CNTNAP2: variants seen among roughly 807,000 people sequenced by gnomAD.
CNTNAP2 encodes the protein contactin associated protein 2, also known as contactin-associated protein-like 2.
CNTNAP2 carries 98 observed loss-of-function variants against 155.2 expected under a neutral mutation model. That is an observed-to-expected ratio of 0.63 (90% CI 0.54 to 0.75). The LOEUF (loss-of-function observed/expected upper bound fraction) is 0.75. Among genes scored for constraint, CNTNAP2 ranks in the 30% least tolerant of loss-of-function variants. The pLI, the probability that CNTNAP2 is intolerant of heterozygous loss-of-function variation, is 0.00. For missense variants in CNTNAP2, 1,727 were observed against 1,688.1 expected (o/e 1.02, Z -0.40); for synonymous variants, 651 against 631.2 (o/e 1.03, Z -0.47).
chr7:147,575,089 T>A (rs1317009783), intron 12 of CNTNAP2, among the ~76,000 whole-genome samples: 1 of 151,020 alleles, frequency 6.6e-6, no homozygotes, highest in Non-Finnish European at 1.5e-5. Context: ...ATTCATATTC[T>A]CCCGGTCTTT....
chr7:146,761,015 T>C (rs1230132147), intron 1 of CNTNAP2, among the ~76,000 whole-genome samples: 3 of 152,112 alleles, frequency 2.0e-5, no homozygotes, highest in African/African-American at 2.4e-5. Flanking sequence ...AATGAGAGTA[T>C]GCCAAACAGG....
intron 14 of CNTNAP2, among the ~76,000 whole-genome samples, chr7:147,960,703 G>A (rs1801102790): frequency 6.6e-6 from 1 of 152,052 alleles, no homozygotes; most frequent in South Asian, 2.1e-4. Context: ...GAGGAGAGTG[G>A]ACGGTAGTGA....
At chr7:148,302,711 C>T (rs1298367172) in intron 21 of CNTNAP2, among the ~76,000 whole-genome samples, 1 of 152,084 alleles carries the variant, frequency 6.6e-6, no homozygotes, top group Non-Finnish European at 1.5e-5. Context: ...CTGCCTACTT[C>T]CCCTTCCCCA....
In CNTNAP2 at chr7:148,109,620, G is replaced by A. The variant is rs1344140689; in HGVS notation, c.2384-8498G>A. ...GCTGGTTTCAAACTCCCGACCTCAG[G>A]TGATCTGCCCGCCTTGGCCTCCCAA... On this transcript the variant is annotated intron_variant, in intron 15 of 23. Coordinates refer to ENST00000361727, the MANE Select transcript of CNTNAP2 (RefSeq NM_014141.6). Among the ~76,000 whole-genome samples, 5 of 151,412 alleles carry A rather than the reference G, an allele frequency of 3.3e-5. No individual in the cohort carries two copies. In the East Asian group the frequency reaches 9.9e-4, roughly 30 times the overall value.
Position 147,563,328 on chromosome 7 carries a change from TTAAA to T in CNTNAP2, c.1897+1075_1897+1078del, listed in dbSNP as rs1800100966. ...TGAAAAAATTTAAAGGCTTTAGTAG[TTAAA>T]TAACTTGCCCATATTAGACCAGGTG... On this transcript the variant is annotated intron_variant, in intron 12 of 23. Coordinates refer to ENST00000361727, the MANE Select transcript of CNTNAP2 (RefSeq NM_014141.6). Among the ~76,000 whole-genome samples the T allele has an allele frequency of 2.0e-5, 3 of 152,136 alleles. No individual in the cohort carries two copies. The South Asian group carries it at 6.2e-4, about 31-fold the overall frequency.
At chr7:146,278,979 T>C (rs923085739) in intron 1 of CNTNAP2, among the ~76,000 whole-genome samples, 8 of 152,198 alleles carry the variant, frequency 5.3e-5, no homozygotes, top group African/African-American at 1.9e-4. Context: ...GATAGATCAT[T>C]ATAAATGGCT....
intron 8 of CNTNAP2, among the ~76,000 whole-genome samples, chr7:147,160,691 A>T (rs1403299177): frequency 6.6e-6 from 1 of 152,184 alleles, no homozygotes; most frequent in Non-Finnish European, 1.5e-5. Flanking sequence ...AGAGGCAACT[A>T]AATCTTAAAG....
intron 8 of CNTNAP2, among the ~76,000 whole-genome samples, chr7:147,194,128 GTGTCCATGTGCTC>G (rs1802736593): frequency 6.6e-6 from 1 of 150,776 alleles, no homozygotes; most frequent in African/African-American, 2.4e-5. Flanking sequence ...TCCCCTCCGT[GTGTCCATGTGCTC>G]TCATTGTTCA....
intron 14 of CNTNAP2, among the ~76,000 whole-genome samples, chr7:147,919,307 G>A (rs187556603): frequency 6.6e-6 from 1 of 151,660 alleles, no homozygotes; most frequent in African/African-American, 2.4e-5. Flanking sequence ...TTTTGAGACA[G>A]GTCTCACTGT....
At chr7:147,186,338 A>T (rs1187223172) in intron 8 of CNTNAP2, among the ~76,000 whole-genome samples, 1 of 152,188 alleles carries the variant, frequency 6.6e-6, no homozygotes, top group African/African-American at 2.4e-5. Context: ...TTTTAAAGGC[A>T]TAGAAGATCT....
intron 1 of CNTNAP2, among the ~76,000 whole-genome samples, chr7:146,690,061 A>C (rs1800670437): frequency 6.6e-6 from 1 of 151,842 alleles, no homozygotes; most frequent in South Asian, 2.1e-4. Flanking sequence ...CACACACACA[A>C]TTTTTCTAAA....
intron 22 of CNTNAP2, among the ~76,000 whole-genome samples, chr7:148,401,637 T>G (rs1417744972): frequency 1.3e-5 from 2 of 152,100 alleles, no homozygotes; most frequent in East Asian, 3.9e-4. Flanking sequence ...CTTGCTCTTT[T>G]GCCCAGGCTG....
intron 13 of CNTNAP2, among the ~76,000 whole-genome samples, chr7:147,821,755 C>T (rs1055000068): frequency 2.0e-5 from 3 of 151,932 alleles, no homozygotes; most frequent in Non-Finnish European, 4.4e-5. Flanking sequence ...GAATGTGGTG[C>T]AGAATAAAAT....
At position 147,903,801 on chromosome 7, in the gene CNTNAP2, T is replaced by C. The variant is rs558921010; in HGVS notation, c.2255+80T>C. 1.7e-5 allele frequency: 26 copies of C among 1,523,884 alleles called. No homozygotes were observed. In the African/African-American group the frequency reaches 2.9e-4, roughly 17 times the overall value. The allele number at this position is 1,523,884 out of a possible 1,614,324, so 94.4% of individuals were successfully genotyped here. Reference sequence around the variant, plus strand: ...CAAACTCATGTGATAGAAGAAAGTTTGAAAAGTGCTATAATAATACGATAA... The same window carrying C: ...CAAACTCATGTGATAGAAGAAAGTTCGAAAAGTGCTATAATAATACGATAA... On this transcript the variant is annotated intron_variant, in intron 14 of 23. Coordinates refer to ENST00000361727, the MANE Select transcript of CNTNAP2 (RefSeq NM_014141.6).
chr7:146,483,802 A>G (rs1466087483), intron 1 of CNTNAP2, among the ~76,000 whole-genome samples: 1 of 152,128 alleles, frequency 6.6e-6, no homozygotes, highest in African/African-American at 2.4e-5. Flanking sequence ...AGAGAGTCTG[A>G]AAGTTAAAGA....
At chr7:148,408,658 A>G (rs1327015718) in intron 22 of CNTNAP2, among the ~76,000 whole-genome samples, 1 of 152,246 alleles carries the variant, frequency 6.6e-6, no homozygotes, top group African/African-American at 2.4e-5. Flanking sequence ...ACAGAAGACC[A>G]ACAAATGTGA....
chr7:148,282,826 G>T (rs993824691), intron 21 of CNTNAP2, among the ~76,000 whole-genome samples: 1 of 124,612 alleles, frequency 8.0e-6, no homozygotes, highest in Non-Finnish European at 1.7e-5. Context: ...TTAGTATTTG[G>T]TTAAAGAAGA....
At chr7:148,413,265 G>A (rs575932966) in intron 23 of CNTNAP2, among the ~76,000 whole-genome samples, 9 of 150,328 alleles carry the variant, frequency 6.0e-5, no homozygotes, top group South Asian at 2.1e-4. Flanking sequence ...ACTGGTGGGC[G>A]CCTGTAAGCC....
At chr7:148,129,112 G>T (rs555771823) in intron 16 of CNTNAP2, among the ~76,000 whole-genome samples, 1 of 152,070 alleles carries the variant, frequency 6.6e-6, no homozygotes, top group East Asian at 1.9e-4. Context: ...CTTGTCCCTC[G>T]GCTGGGGCTC....
Sources: gnomAD v4.1 joint callset for allele counts (sites outside exome capture counted in the v4.1 genomes callset) on GRCh38, gnomAD v4.1.1 for gene constraint, MANE v1.5 for transcripts, NCBI Gene and HGNC (gene_info 2026-07-23, HGNC 2026-07-21) for gene names.